ZNG1A: variants seen among roughly 807,000 people sequenced by gnomAD.
ZNG1A encodes the protein zinc-regulated GTPase metalloprotein activator 1A.
the ZNG1A span, among the ~76,000 whole-genome samples, chr9:139,297 G>A: frequency 5.3e-5 from 8 of 150,656 alleles, no homozygotes; most frequent in South Asian, 2.1e-4. Context: ...TTCCACTTGC[G>A]TCAGGTAATT....
At chr9:160,699 A>G in the ZNG1A span, among the ~76,000 whole-genome samples, 1 of 149,784 alleles carries the variant, frequency 6.7e-6, no homozygotes, top group African/African-American at 2.5e-5. Flanking sequence ...AAATACATAA[A>G]CAGTTTGACT....
the ZNG1A span, among the ~76,000 whole-genome samples, chr9:156,008 C>G: frequency 6.7e-6 from 1 of 150,274 alleles, no homozygotes; most frequent in African/African-American, 2.4e-5. Flanking sequence ...GGCATGGTGG[C>G]GGGTGCCTGT....
chr9:175,583 T>C, the ZNG1A span: 1 of 1,038,984 alleles, frequency 9.6e-7, no homozygotes, highest in South Asian at 1.5e-5. Context: ...TCTAAAGCTA[T>C]CCACATCAAT....
At chr9:166,444 C>T in the ZNG1A span, 53 of 151,718 alleles carry the variant, frequency 3.5e-4, no homozygotes, top group African/African-American at 1.2e-3. Flanking sequence ...AACATGTATG[C>T]ATATGTATTA....
At chr9:162,443 A>G in the ZNG1A span, 1 of 1,501,014 alleles carries the variant, frequency 6.7e-7, no homozygotes, top group Non-Finnish European at 9.1e-7. Context: ...TTTAATCCAT[A>G]TTTTGAATCC....
the ZNG1A span, among the ~76,000 whole-genome samples, chr9:159,416 A>C: frequency 2.0e-5 from 3 of 151,970 alleles, no homozygotes; most frequent in Non-Finnish European, 4.4e-5. Flanking sequence ...CTGCTAAAAC[A>C]TAGATCTTAA....
the ZNG1A span, chr9:171,549 G>C: frequency 3.2e-5 from 5 of 155,508 alleles, no homozygotes; most frequent in African/African-American, 1.2e-4. Context: ...TTCCTGTCAT[G>C]ATTCCCTTAT....
At chr9:122,304 C>G in the ZNG1A span, 3 of 1,328,898 alleles carry the variant, frequency 2.3e-6, no homozygotes, top group Non-Finnish European at 2.9e-6. Flanking sequence ...TATTGATTTT[C>G]TTTTTGAACA....
chr9:169,695 A>G, the ZNG1A span, among the ~76,000 whole-genome samples: 1 of 149,810 alleles, frequency 6.7e-6, no homozygotes, highest in Non-Finnish European at 1.5e-5. Context: ...ACCCATCAAC[A>G]TCGTGGCAAG....
chr9:139,417 G>C, the ZNG1A span, among the ~76,000 whole-genome samples: 51 of 148,584 alleles, frequency 3.4e-4, 1 homozygote, highest in African/African-American at 1.3e-3. Flanking sequence ...GTTATAAAGA[G>C]TGAAACATTC....
At chr9:158,442 C>A in the ZNG1A span, among the ~76,000 whole-genome samples, 1 of 150,782 alleles carries the variant, frequency 6.6e-6, no homozygotes, top group African/African-American at 2.5e-5. Context: ...ATATTATTGA[C>A]CTTATGAAAG....
At chr9:150,133 T>TTTG in the ZNG1A span, 3 of 126,450 alleles carry the variant, frequency 2.4e-5, no homozygotes, top group Non-Finnish European at 3.4e-5. Context: ...TTTTTTTTTT[T>TTTG]TTTTTTTTTT....
chr9:167,126 T>G, the ZNG1A span: 17 of 149,136 alleles, frequency 1.1e-4, no homozygotes, highest in African/African-American at 4.2e-4. Context: ...TTCAAGGAGG[T>G]AGGGAGAAAA....
the ZNG1A span, among the ~76,000 whole-genome samples, chr9:140,385 A>AC: frequency 8.0e-5 from 12 of 149,670 alleles, no homozygotes; most frequent in African/African-American, 1.3e-4. Context: ...ACTGGGAGGC[A>AC]CCCCCTAGCA....
chr9:123,090 TAAAG>T, the ZNG1A span: 1 of 1,527,834 alleles, frequency 6.5e-7, no homozygotes, highest in Non-Finnish European at 8.7e-7. Context: ...ACGAAAATAA[TAAAG>T]AAAAATGAAA....
chr9:141,590 C>A, the ZNG1A span, among the ~76,000 whole-genome samples: 1 of 151,308 alleles, frequency 6.6e-6, no homozygotes, highest in Non-Finnish European at 1.5e-5. Flanking sequence ...CAGAATCATG[C>A]CAAAATGTAA....
chr9:161,352 C>G, the ZNG1A span, among the ~76,000 whole-genome samples: 2 of 151,520 alleles, frequency 1.3e-5, no homozygotes. Context: ...CCTGTAATCC[C>G]AGATACTCAG....
chr9:128,725 G>T, the ZNG1A span, among the ~76,000 whole-genome samples: 2,725 of 142,304 alleles, frequency 0.019, 34 homozygotes, highest in Middle Eastern at 0.036. Flanking sequence ...TGAGCTAGTG[G>T]GATTTTTTGG....
the ZNG1A span, among the ~76,000 whole-genome samples, chr9:140,346 T>TCCCTGAC: frequency 6.6e-6 from 1 of 151,314 alleles, no homozygotes; most frequent in Non-Finnish European, 1.5e-5. Context: ...CTCAAGTGGG[T>TCCCTGAC]CCCTGACCCC....
Sources: allele counts gnomAD v4.1 joint callset (sites outside exome capture counted in the v4.1 genomes callset), GRCh38; gene constraint gnomAD v4.1.1; transcripts MANE v1.5; gene names NCBI Gene and HGNC (gene_info 2026-07-23, HGNC 2026-07-21).